Variants in OR51B5 observed in about 807,000 individuals in gnomAD.
OR51B5 encodes olfactory receptor family 51 subfamily B member 5.
For missense variants in OR51B5, 456 were observed against 374.6 expected (o/e 1.22, Z -1.79); for synonymous variants, 186 against 144.8 (o/e 1.28, Z -2.04).
chr11:5,355,220 A>G (rs2647600), intron 1 of OR51B5: 74,646 of 172,524 alleles, frequency 0.43, 18,188 homozygotes, highest in South Asian at 0.52. Flanking sequence ...GCATAGAGAA[A>G]GTTTGAAGAG....
chr11:5,362,456 T>C (rs1849299676), intron 1 of OR51B5, among the ~76,000 whole-genome samples: 2 of 152,218 alleles, frequency 1.3e-5, no homozygotes, highest in African/African-American at 4.8e-5. Context: ...GAGAATGTGA[T>C]GATTAAATCA....
In OR51B5 at chr11:5,422,973, T is replaced by C. The variant is rs1168785996; in HGVS notation, n.85-76063A>G. 6.2e-7 allele frequency: 1 copy of C among 1,614,010 alleles called. No homozygotes were observed. The highest frequency in any genetic ancestry group is 8.5e-7 in the Non-Finnish European group (1 of 1,180,012). On this transcript the variant is annotated intron_variant and non_coding_transcript_variant, in intron 1 of 4. Coordinates refer to the OR51B5 transcript ENST00000415970. The stretch of plus-strand genomic sequence containing the variant: ...GTCCTGGTCCTCTACATTCCCATGG[T>C]TGGTGTATCTATGACTCATCGCTTT...
chr11:5,489,045 G>A, intron 1 of OR51B5: 1 of 1,614,020 alleles, frequency 6.2e-7, no homozygotes, highest in South Asian at 1.1e-5. Flanking sequence ...TCTATGCTCT[G>A]GAGTCCTCAA....
At chr11:5,474,750 G>A (rs1045659709) in intron 1 of OR51B5, among the ~76,000 whole-genome samples, 7 of 152,088 alleles carry the variant, frequency 4.6e-5, no homozygotes, top group Non-Finnish European at 1.0e-4. Flanking sequence ...ACTCATCTTT[G>A]AGAGAAAAAA....
At chr11:5,495,467 TGAG>T (rs1851636693) in intron 1 of OR51B5, among the ~76,000 whole-genome samples, 1 of 152,136 alleles carries the variant, frequency 6.6e-6, no homozygotes, top group Non-Finnish European at 1.5e-5. Flanking sequence ...AATGTGTAGG[TGAG>T]GAGAAGTAAG....
rs556690974 is a variant in OR51B5 at position 5,395,949 on chromosome 11, C to G, written n.85-49039G>C. On this transcript the variant is annotated intron_variant and non_coding_transcript_variant, in intron 1 of 4. Transcript: ENST00000415970. ...TATTGAGTATTTGCTTCTAACTGTACTCCATTTAAAATTGCATATGAATGG... is the reference window on the plus strand; with the variant it reads ...TATTGAGTATTTGCTTCTAACTGTAGTCCATTTAAAATTGCATATGAATGG... 4.5e-4 allele frequency among the ~76,000 whole-genome samples: 69 copies of G among 152,314 alleles called. 3 individuals are homozygous for G. In the South Asian group the frequency reaches 0.014, roughly 31 times the overall value.
intron 1 of OR51B5, among the ~76,000 whole-genome samples, chr11:5,365,326 G>C (rs1589955895): frequency 6.6e-6 from 1 of 152,300 alleles, no homozygotes; most frequent in East Asian, 1.9e-4. Context: ...CATGGGTATA[G>C]AGCATACACT....
intron 1 of OR51B5, among the ~76,000 whole-genome samples, chr11:5,370,089 G>A (rs1010450727): frequency 1.1e-4 from 16 of 152,142 alleles, no homozygotes; most frequent in Non-Finnish European, 1.5e-5. Flanking sequence ...TGTACAGCAT[G>A]TGCAAGCTGC....
intron 1 of OR51B5, among the ~76,000 whole-genome samples, chr11:5,444,683 C>A (rs766168976): frequency 6.6e-5 from 10 of 152,134 alleles, no homozygotes; most frequent in Non-Finnish European, 1.2e-4. Flanking sequence ...TCAGCTCATT[C>A]TCCTAAGACT....
At chr11:5,343,535 T>C (rs1415132386), upstream of OR51B5, 1 of 788,704 alleles carries the variant, frequency 1.3e-6, no homozygotes, top group Non-Finnish European at 2.1e-6. Flanking sequence ...CCTGGGTTTA[T>C]ATAGAAGAAA....
chr11:5,404,146 GGGGGCGGGGGGAGGGGAT>G lies in OR51B5; in HGVS notation n.85-57254_85-57237del, dbSNP rs1234108952. Among the ~76,000 whole-genome samples, 4 of 133,944 alleles carry G rather than the reference GGGGGCGGGGGGAGGGGAT, an allele frequency of 3.0e-5. 1 individual carries two copies. Among genetic ancestry groups the G allele is most frequent in the Admixed American group, 2.2e-4 (3 of 13,688 alleles). 87.9% of individuals were successfully genotyped at this position (133,944 alleles called of 152,430 possible). On this transcript the variant is annotated intron_variant and non_coding_transcript_variant, in intron 1 of 4. Coordinates refer to the OR51B5 transcript ENST00000415970. ...GTGAAGCCAGCTGGGCTTCTGGGTC[GGGGGCGGGGGGAGGGGAT>G]GGGGCGGGGAGGGCGGGGGGCGGAA... is the stretch of plus-strand genomic sequence containing the variant.
intron 1 of OR51B5, among the ~76,000 whole-genome samples, chr11:5,493,581 C>G (rs980846937): frequency 4.6e-5 from 7 of 152,052 alleles, no homozygotes; most frequent in African/African-American, 1.7e-4. Context: ...ATATACCTGA[C>G]AAGGAAACTT....
intron 1 of OR51B5, among the ~76,000 whole-genome samples, chr11:5,447,646 G>A (rs1418392106): frequency 1.3e-5 from 2 of 152,056 alleles, no homozygotes; most frequent in Non-Finnish European, 2.9e-5. Flanking sequence ...TCTGCAAACT[G>A]CATTCCTCCT....
chr11:5,431,986 T>C (rs1850540951), intron 1 of OR51B5, among the ~76,000 whole-genome samples: 1 of 152,252 alleles, frequency 6.6e-6, no homozygotes, highest in African/African-American at 2.4e-5. Context: ...GTACTTAGGA[T>C]ATTCATCACC....
At chr11:5,484,804 C>T (rs10500643) in intron 1 of OR51B5, among the ~76,000 whole-genome samples, 18,167 of 152,224 alleles carry the variant, frequency 0.12, 1,316 homozygotes, top group Admixed American at 0.17. Flanking sequence ...ACAGTACCAA[C>T]TTGCCTCTGG....
chr11:5,417,554 C>G (rs989838002), intron 1 of OR51B5, among the ~76,000 whole-genome samples: 19 of 149,194 alleles, frequency 1.3e-4, no homozygotes, highest in African/African-American at 4.6e-4. Context: ...TATCCAGAAT[C>G]TACAATGAAC....
At chr11:5,479,290 A>C (rs2133806921) in intron 1 of OR51B5, among the ~76,000 whole-genome samples, 1 of 150,602 alleles carries the variant, frequency 6.6e-6, no homozygotes, top group South Asian at 2.1e-4. Context: ...GAAATAAAAT[A>C]CTTTACAGAC....
chr11:5,467,416 T>A (rs1234715165), intron 1 of OR51B5, among the ~76,000 whole-genome samples: 1 of 152,176 alleles, frequency 6.6e-6, no homozygotes, highest in Non-Finnish European at 1.5e-5. Context: ...CATGATCCTA[T>A]GAGGAAAAAA....
intron 1 of OR51B5, among the ~76,000 whole-genome samples, chr11:5,414,836 A>C (rs2133753877): frequency 6.6e-6 from 1 of 152,342 alleles, no homozygotes; most frequent in East Asian, 1.9e-4. Flanking sequence ...GGAGACTTTA[A>C]CACCCCACTG....
Sources: allele counts gnomAD v4.1 joint callset (sites outside exome capture counted in the v4.1 genomes callset), GRCh38; gene constraint gnomAD v4.1.1; transcripts MANE v1.5; gene names NCBI Gene and HGNC (gene_info 2026-07-23, HGNC 2026-07-21).